The following KAZN variants were observed in gnomAD, a reference collection of about 807,000 sequenced individuals.
KAZN encodes kazrin, periplakin interacting protein, also known as kazrin.
A neutral mutation model predicts 87.4 loss-of-function variants in KAZN; 40 were observed. The observed-to-expected ratio is 0.46, with a 90% CI of 0.36 to 0.60. The LOEUF (loss-of-function observed/expected upper bound fraction) is 0.60. KAZN is among the 20% of genes least tolerant of loss of function. KAZN has a pLI of 0.00. For synonymous variants in KAZN, 466 were observed against 458.3 expected (o/e 1.02, Z -0.22); for missense variants, 898 against 1,073.9 (o/e 0.84, Z 2.29).
chr1:15,065,081 C>T (rs979328023), intron 7 of KAZN, among the ~76,000 whole-genome samples: 103 of 123,390 alleles, frequency 8.3e-4, no homozygotes, highest in African/African-American at 3.3e-3. Flanking sequence ...GCCCAGGCTG[C>T]AGTGCAGTGG....
intron 1 of KAZN, among the ~76,000 whole-genome samples, chr1:13,966,392 C>A (rs913715697): frequency 3.1e-4 from 47 of 152,178 alleles, no homozygotes; most frequent in Admixed American, 3.1e-3. Context: ...TCTGACCTGT[C>A]TTTACAGTGG....
chr1:13,921,515 C>A (rs1468355442), intron 1 of KAZN, among the ~76,000 whole-genome samples: 1 of 152,218 alleles, frequency 6.6e-6, no homozygotes, highest in Non-Finnish European at 1.5e-5. Flanking sequence ...CATGAGCATG[C>A]CTTCCAAGTT....
chr1:14,939,295 G>A (rs1387614835), intron 1 of KAZN, among the ~76,000 whole-genome samples: 4 of 150,244 alleles, frequency 2.7e-5, no homozygotes, highest in East Asian at 2.0e-4. Flanking sequence ...TAGACACAGG[G>A]TCTTGCTCTT....
At chr1:14,703,828 G>T (rs1179434726) in intron 1 of KAZN, among the ~76,000 whole-genome samples, 1 of 152,236 alleles carries the variant, frequency 6.6e-6, no homozygotes, top group African/African-American at 2.4e-5. Flanking sequence ...GCAGTGAGTT[G>T]TGATGGCGTC....
intron 8 of KAZN, among the ~76,000 whole-genome samples, chr1:15,085,001 A>G (rs2100645975): frequency 6.6e-6 from 1 of 152,376 alleles, no homozygotes; most frequent in South Asian, 2.1e-4. Flanking sequence ...CTGTCTCACA[A>G]GACCAGGAAA....
intron 1 of KAZN, among the ~76,000 whole-genome samples, chr1:14,682,935 ATCC>A (rs1371094399): frequency 6.6e-6 from 1 of 152,196 alleles, no homozygotes; most frequent in Non-Finnish European, 1.5e-5. Context: ...TCTGTTAAAA[ATCC>A]TCTCTCCTTT....
intron 2 of KAZN, among the ~76,000 whole-genome samples, chr1:14,320,830 A>G (rs1260482116): frequency 6.6e-6 from 1 of 152,214 alleles, no homozygotes; most frequent in Admixed American, 6.5e-5. Context: ...TCATGTTTTA[A>G]ACTTTGGGTT....
At chr1:14,242,461 G>GA (rs1467780495) in intron 2 of KAZN, among the ~76,000 whole-genome samples, 2 of 151,984 alleles carry the variant, frequency 1.3e-5, no homozygotes, top group African/African-American at 4.8e-5. Context: ...GAAAAACACT[G>GA]AAAAAAATTA....
chr1:13,975,672 C>G (rs1035270047), intron 1 of KAZN, among the ~76,000 whole-genome samples: 1 of 152,158 alleles, frequency 6.6e-6, no homozygotes, highest in Non-Finnish European at 1.5e-5. Context: ...TTAAACAAAA[C>G]TTAACACACC....
chr1:15,081,561 C>CAT lies in KAZN; in HGVS notation c.1223-12619_1223-12618insAT, dbSNP rs1553186474. Among the ~76,000 whole-genome samples the CAT allele has an allele frequency of 4.7e-5, 7 of 149,676 alleles. No individual in the cohort carries two copies. The East Asian group carries it at 7.8e-4, about 17-fold the overall frequency. On this transcript the variant is annotated intron_variant, in intron 8 of 14. Coordinates refer to ENST00000376030, the MANE Select transcript of KAZN (RefSeq NM_201628.3). The surrounding 1 kb of genome is among the most constrained non-coding windows in gnomAD (Gnocchi z 4.1). Reference sequence around the variant, plus strand: ...GAAAGGTTCCAGGAATTAATGACAGCGTGTGTGTGTGTGTGTGTGAGTGTG... The same window carrying CAT: ...GAAAGGTTCCAGGAATTAATGACAGCATGTGTGTGTGTGTGTGTGTGAGTGTG...
intron 2 of KAZN, among the ~76,000 whole-genome samples, chr1:14,365,957 C>T (rs1214716898): frequency 6.6e-6 from 1 of 152,148 alleles, no homozygotes; most frequent in Non-Finnish European, 1.5e-5. Flanking sequence ...GATAGATTTC[C>T]CTACCTGGAG....
chr1:14,908,434 C>T (rs1298146744), intron 1 of KAZN, among the ~76,000 whole-genome samples: 3 of 147,138 alleles, frequency 2.0e-5, no homozygotes, highest in Admixed American at 2.0e-4. Flanking sequence ...CCCAGCTCCT[C>T]GGGAGGCTGA....
At chr1:14,745,195 T>C (rs1423145300) in intron 1 of KAZN, among the ~76,000 whole-genome samples, 1 of 148,478 alleles carries the variant, frequency 6.7e-6, no homozygotes, top group Non-Finnish European at 1.5e-5. Context: ...CCTGGGAGTA[T>C]ACAGCGCCAA....
intron 2 of KAZN, among the ~76,000 whole-genome samples, chr1:14,220,639 C>A (rs1647075679): frequency 6.6e-6 from 1 of 152,156 alleles, no homozygotes; most frequent in South Asian, 2.1e-4. Flanking sequence ...GGCTCCAGAC[C>A]AGTACCAGGC....
At chr1:14,589,998 A>G (rs951401719) in intron 2 of KAZN, among the ~76,000 whole-genome samples, 1 of 152,134 alleles carries the variant, frequency 6.6e-6, no homozygotes, top group Non-Finnish European at 1.5e-5. Flanking sequence ...ATAAATGTGA[A>G]AGAGCAAAGT....
chr1:13,928,175 G>A lies in KAZN; in HGVS notation c.91+34419G>A, dbSNP rs1417959017. 3.9e-5 allele frequency among the ~76,000 whole-genome samples: 6 copies of A among 152,336 alleles called. No individual in the cohort carries two copies. In the East Asian group the frequency reaches 1.2e-3, roughly 29 times the overall value. On this transcript the variant is annotated intron_variant, in intron 1 of 16. Transcript: ENST00000636203. ...TCAGGTTCCTGTAAACTAATAGCCTGTGACTTTAAAAATGTGCCATACCTG... is the reference window on the plus strand; with the variant it reads ...TCAGGTTCCTGTAAACTAATAGCCTATGACTTTAAAAATGTGCCATACCTG...
At chr1:14,421,748 C>A (rs1002717687) in intron 2 of KAZN, among the ~76,000 whole-genome samples, 3 of 152,090 alleles carry the variant, frequency 2.0e-5, no homozygotes, top group Non-Finnish European at 2.9e-5. Flanking sequence ...AAAGGAATCT[C>A]CCAAACTCTT....
chr1:15,047,332 C>CG (rs894749381), intron 4 of KAZN, among the ~76,000 whole-genome samples: 2 of 152,162 alleles, frequency 1.3e-5, no homozygotes, highest in Non-Finnish European at 2.9e-5. Flanking sequence ...GACCCTTCCT[C>CG]GGGGGGTGCC....
At chr1:14,873,823 C>A (rs1169939502) in intron 1 of KAZN, among the ~76,000 whole-genome samples, 3 of 152,072 alleles carry the variant, frequency 2.0e-5, no homozygotes, top group African/African-American at 7.2e-5. Context: ...CAAAGTGGGG[C>A]AAAGTGGCGA....
Sources: allele counts gnomAD v4.1 joint callset (sites outside exome capture counted in the v4.1 genomes callset), GRCh38; gene constraint gnomAD v4.1.1; non-coding constraint Gnocchi (gnomAD v3.1); transcripts MANE v1.5; gene names NCBI Gene and HGNC (gene_info 2026-07-23, HGNC 2026-07-21).